CAPN13: variants seen among roughly 807,000 people sequenced by gnomAD.
CAPN13 encodes the protein calpain-13.
In CAPN13, 90 loss-of-function variants were observed where a neutral mutation model predicts 98.4. The ratio of observed to expected loss-of-function variants is 0.92; its 90% CI spans 0.77 to 1.09. The LOEUF is 1.09. CAPN13 is among the 50% of genes least tolerant of loss of function. The pLI, the probability that CAPN13 is intolerant of heterozygous loss-of-function variation, is 0.00. For synonymous variants in CAPN13, 330 were observed against 305.5 expected (o/e 1.08, Z -0.84); for missense variants, 887 against 841.3 (o/e 1.05, Z -0.67).
At chr2:30,772,304 C>G (rs73922698) in intron 4 of CAPN13, among the ~76,000 whole-genome samples, 4 of 152,168 alleles carry the variant, frequency 2.6e-5, no homozygotes, top group Admixed American at 2.6e-4. Flanking sequence ...GACAGGGAAA[C>G]CAGAGTGTTT....
At chr2:30,742,135 C>T (rs1450515495) in intron 14 of CAPN13, among the ~76,000 whole-genome samples, 171 bp from the exon 15 acceptor site, 2 of 152,204 alleles carry the variant, frequency 1.3e-5, no homozygotes, top group Non-Finnish European at 2.9e-5. Context: ...AGGAAGAGGG[C>T]TGGGTTGAGC....
chr2:30,791,072 G>A (rs1674584857), intron 1 of CAPN13, among the ~76,000 whole-genome samples: 1 of 152,188 alleles, frequency 6.6e-6, no homozygotes, highest in South Asian at 2.1e-4. Context: ...CCTTGGCAGT[G>A]ACTAACCCTA....
At chr2:30,740,356 G>A (rs1003477535) in intron 15 of CAPN13, among the ~76,000 whole-genome samples, 10 of 152,200 alleles carry the variant, frequency 6.6e-5, no homozygotes, top group African/African-American at 2.4e-4. Context: ...GCCTGCCAAA[G>A]TGCTGGGATG....
chr2:30,796,493 G>A (rs1572885528), intron 1 of CAPN13, among the ~76,000 whole-genome samples: 1 of 151,942 alleles, frequency 6.6e-6, no homozygotes, highest in East Asian at 1.9e-4. Context: ...CCTGTGTCCT[G>A]TCCTATTCTA....
chr2:30,805,192 G>A (rs1572899248), intron 1 of CAPN13, among the ~76,000 whole-genome samples: 1 of 152,170 alleles, frequency 6.6e-6, no homozygotes, highest in African/African-American at 2.4e-5. Flanking sequence ...AACAATAAGA[G>A]AGGAGACAGA....
intron 4 of CAPN13, among the ~76,000 whole-genome samples, chr2:30,771,329 G>C (rs1673397868): frequency 6.6e-6 from 1 of 152,226 alleles, no homozygotes; most frequent in South Asian, 2.1e-4. Flanking sequence ...TCCATGGAAA[G>C]CTGGGTGGAT....
At chr2:30,796,185 CAT>C (rs1553321161) in intron 1 of CAPN13, among the ~76,000 whole-genome samples, 6 of 132,736 alleles carry the variant, frequency 4.5e-5, no homozygotes, top group Middle Eastern at 3.8e-3. Context: ...TATATATATA[CAT>C]ATATATGTGT....
intron 19 of CAPN13, among the ~76,000 whole-genome samples, 165 bp downstream of exon 19, chr2:30,734,284 C>T (rs781277707): frequency 3.3e-5 from 5 of 152,122 alleles, no homozygotes; most frequent in African/African-American, 1.2e-4. Flanking sequence ...AGTCTGCAAC[C>T]GTGGAGGCCC....
chr2:30,798,278 A>T (rs1674992199), intron 1 of CAPN13, among the ~76,000 whole-genome samples: 1 of 152,214 alleles, frequency 6.6e-6, no homozygotes, highest in African/African-American at 2.4e-5. Flanking sequence ...CAATGACATG[A>T]ATTACCACAG....
intron 2 of CAPN13, among the ~76,000 whole-genome samples, chr2:30,781,484 G>A (rs1417900295): frequency 6.6e-6 from 1 of 152,150 alleles, no homozygotes; most frequent in Non-Finnish European, 1.5e-5. Flanking sequence ...CATTTGAGTT[G>A]GGGGATTTAG....
chr2:30,763,868 C>T (rs1021737809), intron 6 of CAPN13, among the ~76,000 whole-genome samples: 4 of 152,242 alleles, frequency 2.6e-5, no homozygotes, highest in South Asian at 2.1e-4. Context: ...GAAGACTTGT[C>T]GAGCCACTTA....
intron 11 of CAPN13, 112 bp from the exon 12 acceptor site, chr2:30,745,846 C>A: frequency 1.4e-6 from 1 of 722,006 alleles, no homozygotes; most frequent in Non-Finnish European, 2.2e-6. Context: ...TTCTCCTTTT[C>A]TTCCTCTCTT....
intron 1 of CAPN13, among the ~76,000 whole-genome samples, chr2:30,799,713 C>A (rs1384078842): frequency 6.6e-6 from 1 of 152,140 alleles, no homozygotes; most frequent in African/African-American, 2.4e-5. Context: ...ACCTCTGATC[C>A]ACCGAGGGCC....
In CAPN13 at chr2:30,758,074, C is replaced by T. The variant is rs508405; in HGVS notation, c.838G>A (p.Ala280Thr). The change falls in exon 8 of 23, where the codon GCC (alanine) becomes ACC (threonine). Residue 280 changes from alanine to threonine, a missense_variant. Ala to Thr is a moderately conservative substitution (Grantham distance 58). Transcript: ENST00000295055. ...SLWNPWGWGE[A>T]EWRGRWSDGS... Reference sequence around the variant, plus strand: ...TCACTCCAGCGCCCTCTCCATTCGGCCTCGCCCCAGCCCCAGGGGTTCCAC... The same window carrying T: ...TCACTCCAGCGCCCTCTCCATTCGGTCTCGCCCCAGCCCCAGGGGTTCCAC... 1,130,036 of 1,608,552 alleles carry T rather than the reference C, an allele frequency of 0.7. 400,076 individuals carry two copies. The highest frequency in any genetic ancestry group is 0.92 in the African/African-American group (68,949 of 74,876).
intron 1 of CAPN13, among the ~76,000 whole-genome samples, chr2:30,788,232 G>T (rs1253405290): frequency 6.6e-6 from 1 of 152,210 alleles, no homozygotes; most frequent in Non-Finnish European, 1.5e-5. Flanking sequence ...TTCTCCACCT[G>T]TATGGATTGA....
At chr2:30,762,180 C>G (rs1672882032) in intron 7 of CAPN13, among the ~76,000 whole-genome samples, 1 of 152,172 alleles carries the variant, frequency 6.6e-6, no homozygotes, top group African/African-American at 2.4e-5. Flanking sequence ...TGCTATCTAT[C>G]TAACCTCGTG....
At chr2:30,770,279 ACT>A in intron 5 of CAPN13, 32 bp downstream of exon 5, 4 of 1,608,956 alleles carry the variant, frequency 2.5e-6, no homozygotes, top group Non-Finnish European at 3.4e-6. Flanking sequence ...CAGCACTGAA[ACT>A]CTGGGCTGAT....
chr2:30,756,050 C>T (rs1402048), intron 8 of CAPN13, among the ~76,000 whole-genome samples: 132,567 of 152,006 alleles, frequency 0.87, 58,023 homozygotes, highest in African/African-American at 0.95. Context: ...TGCAAAGTGG[C>T]GACCCTCAGC....
At chr2:30,781,974 G>C (rs1415702895) in intron 2 of CAPN13, among the ~76,000 whole-genome samples, 1 of 152,130 alleles carries the variant, frequency 6.6e-6, no homozygotes, top group African/African-American at 2.4e-5. Flanking sequence ...AACAGCAATA[G>C]TCAAGCTAAG....
Sources: gnomAD v4.1 joint callset for allele counts (sites outside exome capture counted in the v4.1 genomes callset) on GRCh38, gnomAD v4.1.1 for gene constraint, MANE v1.5 for transcripts, NCBI Gene and HGNC (gene_info 2026-07-23, HGNC 2026-07-21) for gene names.